Variants in SS18 observed in about 807,000 individuals in gnomAD.
SS18 encodes SS18 subunit of BAF chromatin remodeling complex, also known as protein SSXT.
Under a neutral mutation model 72.5 loss-of-function variants are expected in SS18, and 28 were observed. The ratio of observed to expected loss-of-function variants is 0.39; its 90% CI spans 0.29 to 0.53. The LOEUF (loss-of-function observed/expected upper bound fraction) is 0.53. SS18 is among the 20% of genes least tolerant of loss of function. SS18 has a pLI of 0.76. For missense variants in SS18, 518 were observed against 535.3 expected (o/e 0.97, Z 0.32); for synonymous variants, 172 against 164.2 (o/e 1.05, Z -0.37).
chr18:26,050,346 A>G (rs1378030170), intron 5 of SS18, among the ~76,000 whole-genome samples: 1 of 152,196 alleles, frequency 6.6e-6, no homozygotes. Flanking sequence ...GAATTAAAAC[A>G]AATAAAAATA....
chr18:26,038,384 T>A (rs77878040), intron 7 of SS18, among the ~76,000 whole-genome samples, 171 bp downstream of exon 7: 347 of 152,326 alleles, frequency 2.3e-3, no homozygotes, highest in Admixed American at 3.9e-3. Flanking sequence ...ATACTTTGAA[T>A]TAGATTATAA....
At chr18:26,056,793 T>A (rs1357049001) in intron 4 of SS18, among the ~76,000 whole-genome samples, 1 of 152,228 alleles carries the variant, frequency 6.6e-6, no homozygotes, top group Admixed American at 6.5e-5. Flanking sequence ...AATATTCTGA[T>A]ACCTAATGTA....
intron 10 of SS18, among the ~76,000 whole-genome samples, chr18:26,020,266 A>G (rs1232857642): frequency 6.6e-6 from 1 of 152,168 alleles, no homozygotes; most frequent in Non-Finnish European, 1.5e-5. Flanking sequence ...TCTCTGGATC[A>G]CAATTTCCCT....
At chr18:26,039,587 TAATAAA>T (rs2053689092) in intron 5 of SS18, 131 bp from the exon 6 acceptor site, 2 of 779,656 alleles carry the variant, frequency 2.6e-6, no homozygotes, top group Non-Finnish European at 1.8e-6. Context: ...TGATTTCAAA[TAATAAA>T]AATAAGTCTT....
At chr18:26,021,266 C>A (rs970980504) in intron 10 of SS18, among the ~76,000 whole-genome samples, 1 of 152,204 alleles carries the variant, frequency 6.6e-6, no homozygotes, top group Non-Finnish European at 1.5e-5. Flanking sequence ...GTTGCTTAAC[C>A]TCCCTGAGTT....
chr18:26,022,823 C>A (rs1054090993), intron 10 of SS18, among the ~76,000 whole-genome samples: 11 of 152,140 alleles, frequency 7.2e-5, no homozygotes, highest in African/African-American at 2.7e-4. Context: ...CAAGAAACAC[C>A]CAAAAGGATT....
rs767268320 is a variant in SS18, at chr18:26,038,678, T to C, written c.776-19A>G. The C allele has an allele frequency of 8.8e-6, 14 of 1,587,174 alleles. No homozygotes were observed. The South Asian group carries it at 1.4e-4, about 16-fold the overall frequency. ...GGTGGGCCTGAAAAACCACAACCAG[T>C]CAAGATATAAATAATGTGTTCTCTA... On this transcript the variant is annotated intron_variant, in intron 6 of 10. Transcript: ENST00000415083.
In SS18 at chr18:26,016,657, A is replaced by G. The variant is rs7239135; in HGVS notation, c.*1697T>C. On this transcript the variant is annotated 3_prime_UTR_variant, in exon 11 of 11. Transcript: ENST00000415083. ...AGAACTGCTTGAACCTGGGAGGCGGAGGTTGCAGTGAGCTGAGATTGCGCC... is the reference window on the plus strand; with the variant it reads ...AGAACTGCTTGAACCTGGGAGGCGGGGGTTGCAGTGAGCTGAGATTGCGCC... 3,232 of 189,648 alleles carry G rather than the reference A, an allele frequency of 0.017. 94 individuals carry two copies. The highest frequency in any genetic ancestry group is 0.07 in the African/African-American group (3,009 of 42,896). The allele number at this position is 189,648 out of a possible 1,614,324, so 11.7% of individuals were successfully genotyped here. A position where few individuals can be genotyped will look rare whatever the true frequency, so the allele number is the denominator to read the frequency against.
chr18:26,057,461 TAA>T, intron 4 of SS18, 126 bp downstream of exon 4: 1 of 1,094,574 alleles, frequency 9.1e-7, no homozygotes, highest in East Asian at 2.4e-5. Context: ...TAACAAACTC[TAA>T]GAGAGCTTGT....
At chr18:26,057,514 G>A (rs1224354418) in intron 4 of SS18, 75 bp downstream of exon 4, 6 of 1,562,462 alleles carry the variant, frequency 3.8e-6, no homozygotes, top group South Asian at 3.4e-5. Flanking sequence ...CAACAATCTA[G>A]TATCCCTTGA....
rs1422716801 is a variant in SS18, at chr18:26,017,787, C to A, written c.*567G>T. The A allele has an allele frequency of 4.5e-6, 1 of 224,644 alleles. No homozygotes were observed. The highest frequency in any genetic ancestry group is 8.9e-6 in the Non-Finnish European group (1 of 112,742). 13.9% of individuals were successfully genotyped at this position (224,644 alleles called of 1,614,324 possible). A position where few individuals can be genotyped will look rare whatever the true frequency, so the allele number is the denominator to read the frequency against. ...GGACATATGGTGTGCTTTGTCTTCC[C>A]CTCACCTTTATCTTTATAGCACACC... On this transcript the variant is annotated 3_prime_UTR_variant, in exon 11 of 11. Transcript: ENST00000415083.
intron 1 of SS18, among the ~76,000 whole-genome samples, chr18:26,089,298 A>C (rs1192645407): frequency 6.6e-6 from 1 of 152,218 alleles, no homozygotes; most frequent in African/African-American, 2.4e-5. Context: ...GTTTTGCGTG[A>C]GTGCGTACTT....
At chr18:26,041,867 G>A (rs902515790) in intron 5 of SS18, among the ~76,000 whole-genome samples, 1 of 151,708 alleles carries the variant, frequency 6.6e-6, no homozygotes, top group Non-Finnish European at 1.5e-5. Flanking sequence ...TTATCTTTTG[G>A]GACTGTGAGC....
intron 9 of SS18, among the ~76,000 whole-genome samples, chr18:26,034,536 G>A (rs1440940815): frequency 6.6e-6 from 1 of 151,190 alleles, no homozygotes; most frequent in Non-Finnish European, 1.5e-5. Flanking sequence ...TGCTATTTAG[G>A]GAATGACAAA....
At chr18:26,089,315 GT>G (rs566744153) in intron 1 of SS18, among the ~76,000 whole-genome samples, 200 of 152,344 alleles carry the variant, frequency 1.3e-3, no homozygotes, top group South Asian at 4.3e-3. Context: ...ACTTGGAGCT[GT>G]TTGCCAGGCT....
Position 26,035,581 on chromosome 18 carries a change from C to T in SS18, c.973+250G>A. 1 of 345,874 alleles carries T rather than the reference C, an allele frequency of 2.9e-6. No homozygotes were observed. The highest frequency in any genetic ancestry group is 5.2e-6 in the Non-Finnish European group (1 of 192,432). 21.4% of individuals were successfully genotyped at this position (345,874 alleles called of 1,614,324 possible). A position where few individuals can be genotyped will look rare whatever the true frequency, so the allele number is the denominator to read the frequency against. On this transcript the variant is annotated intron_variant, in intron 8 of 10. Transcript: ENST00000415083. The surrounding 1 kb of genome is among the most constrained non-coding windows in gnomAD (Gnocchi z 4.4). ...GGATTTATGTTCAAATAGAAAATTT[C>T]CACTGAGGAAAAAATTATCTTTAAT...
At chr18:26,078,555 T>A (rs1335840710) in intron 2 of SS18, among the ~76,000 whole-genome samples, 1 of 152,100 alleles carries the variant, frequency 6.6e-6, no homozygotes, top group Non-Finnish European at 1.5e-5. Context: ...TACACTGAGT[T>A]TTTTTAAAAA....
intron 5 of SS18, among the ~76,000 whole-genome samples, chr18:26,050,438 T>C (rs1463143697): frequency 1.3e-5 from 2 of 152,006 alleles, no homozygotes; most frequent in Non-Finnish European, 2.9e-5. Context: ...TATAATGAAA[T>C]GAATATTAAA....
intron 10 of SS18, among the ~76,000 whole-genome samples, chr18:26,031,164 C>T (rs551454220): frequency 2.0e-5 from 3 of 152,304 alleles, no homozygotes; most frequent in African/African-American, 7.2e-5. Context: ...TACTCACTAG[C>T]CACGACTTAT....
Sources: allele counts gnomAD v4.1 joint callset (sites outside exome capture counted in the v4.1 genomes callset), GRCh38; gene constraint gnomAD v4.1.1; non-coding constraint Gnocchi (gnomAD v3.1); transcripts MANE v1.5; gene names NCBI Gene and HGNC (gene_info 2026-07-23, HGNC 2026-07-21).